The following HFE variants were observed in gnomAD, a reference collection of about 807,000 sequenced individuals.
The protein encoded by HFE is homeostatic iron regulator, also known as hereditary hemochromatosis protein.
In HFE, 36 loss-of-function variants were observed where a neutral mutation model predicts 40.9. The observed-to-expected ratio is 0.88, with a 90% CI of 0.67 to 1.16. The LOEUF is 1.16. Among genes scored for constraint, HFE ranks in the 50% most tolerant of loss-of-function variants. The pLI, the probability that HFE is intolerant of heterozygous loss-of-function variation, is 0.00. For synonymous variants in HFE, 157 were observed against 165.4 expected, an observed-to-expected ratio of 0.95 and a Z score of 0.39; for missense variants, 376 against 432.0, an observed-to-expected ratio of 0.87 and a Z score of 1.15.
At position 26,093,029 on chromosome 6, in the gene HFE, A is replaced by C. The variant is rs550793719; in HGVS notation, c.892+69A>C. The stretch of plus-strand genomic sequence containing the variant: ...GGTTGAGAGGAGTGCCTGAGGAGGT[A>C]ATTATGGCAGTGAGATGAGGATCTG... On this transcript the variant is annotated intron_variant, in intron 4 of 5. Transcript: ENST00000357618. 6.8e-6 allele frequency: 11 copies of C among 1,613,980 alleles called. No individual in the cohort carries two copies. In the South Asian group the frequency reaches 1.1e-4, roughly 16 times the overall value.
rs755793091 is a variant in HFE at position 26,098,014 on chromosome 6, T to C, written c.*3788T>C. ...ATTTTCACATGCAGGCTGATATTTG[T>C]AATTGTGATTCTCTCTGTAGGCTTT... On this transcript the variant is annotated 3_prime_UTR_variant, in exon 6 of 6. Coordinates refer to ENST00000357618, the MANE Select transcript of HFE (RefSeq NM_000410.4). 6.6e-6 allele frequency: 1 copy of C among 152,236 alleles called. No homozygotes were observed. 9.4% of individuals were successfully genotyped at this position (152,236 alleles called of 1,614,324 possible). A position where few individuals can be genotyped will look rare whatever the true frequency, so the allele number is the denominator to read the frequency against.
Position 26,094,224 on chromosome 6 carries a change from T to A in HFE, c.1045T>A (p.Ter349ArgextTer14), listed in dbSNP as rs1348485687. The A allele has an allele frequency of 7.4e-6, 12 of 1,613,846 alleles. No homozygotes were observed. Among genetic ancestry groups the A allele is most frequent in the Non-Finnish European group, 1.0e-5 (12 of 1,179,938 alleles). ...GCACTACGTCTTAGCTGAACGTGAGTGACACGCAGCCTGCAGACTCACTGT... is the reference window on the plus strand; with the variant it reads ...GCACTACGTCTTAGCTGAACGTGAGAGACACGCAGCCTGCAGACTCACTGT... ...MGHYVLAERE[*>R] is the part of the protein sequence containing the mutation. Residue 349 changes from the stop codon to arginine, a stop_lost, in exon 6 of 6, where the codon TGA becomes AGA. Transcript: ENST00000357618.
Position 26,093,104 on chromosome 6 carries a change from C to G in HFE, c.893-15C>G, listed in dbSNP as rs1222572514. The G allele has an allele frequency of 6.2e-7, 1 of 1,613,544 alleles. No individual in the cohort carries two copies. The highest frequency in any genetic ancestry group is 8.5e-7 in the Non-Finnish European group (1 of 1,179,590). ...GGTGGCAATCAAAGGCTTTAACTTG[C>G]TTTTTCTGTTTTAGAGCCCTCACCG... On this transcript the variant is annotated splice_polypyrimidine_tract_variant and intron_variant, in intron 4 of 5. Transcript: ENST00000357618.
In HFE at chr6:26,094,499, A is replaced by G; in HGVS notation, c.*273A>G. Reference sequence around the variant, plus strand: ...CAAGCTGCATCTAGAGGCTTCCTTCATTTCCTCCGTCACCTCAGAGACATA... The same window carrying G: ...CAAGCTGCATCTAGAGGCTTCCTTCGTTTCCTCCGTCACCTCAGAGACATA... On this transcript the variant is annotated 3_prime_UTR_variant, in exon 6 of 6. Transcript: ENST00000357618. 2.8e-6 allele frequency: 2 copies of G among 702,568 alleles called. No homozygotes were observed. The highest frequency in any genetic ancestry group is 5.2e-6 in the Non-Finnish European group (2 of 384,830). The allele number at this position is 702,568 out of a possible 1,614,324, so 43.5% of individuals were successfully genotyped here.
At position 26,092,827 on chromosome 6, in the gene HFE, T is replaced by A. The variant is rs182920795; in HGVS notation, c.759T>A (p.Pro253=). 4.3e-6 allele frequency: 7 copies of A among 1,614,180 alleles called. No homozygotes were observed. The African/African-American group carries it at 9.3e-5, about 22-fold the overall frequency. The change falls in exon 4 of 6, where the codon CCT becomes CCA. Residue 253 remains proline (P), a synonymous_variant. Transcript: ENST00000357618. ...KQPMDAKEFE[P]KDVLPNGDGT... is the part of the protein sequence containing the mutation. ...CAATGGATGCCAAGGAGTTCGAACC[T>A]AAAGACGTATTGCCCAATGGGGATG...
Position 26,090,852 on chromosome 6 carries a change from C to A in HFE, c.88C>A (p.Leu30Met), listed in dbSNP as rs760685317. 9.3e-6 allele frequency: 15 copies of A among 1,613,806 alleles called. No homozygotes were observed. The highest frequency in any genetic ancestry group is 1.3e-5 in the Non-Finnish European group (15 of 1,180,034). ...TGCTCTGTCTCCAGGTTCACACTCTCTGCACTACCTCTTCATGGGTGCCTC... is the reference window on the plus strand; with the variant it reads ...TGCTCTGTCTCCAGGTTCACACTCTATGCACTACCTCTTCATGGGTGCCTC... ...LQGRLLRSHSLHYLFMGASEQ... is the reference protein window; with the variant it reads ...LQGRLLRSHSMHYLFMGASEQ... The change falls in exon 2 of 6, where the codon CTG becomes ATG. Residue 30 changes from leucine to methionine, a missense_variant. Transcript: ENST00000357618.
At position 26,094,658 on chromosome 6, in the gene HFE, C is replaced by T. The variant is rs545152311; in HGVS notation, c.*432C>T. ...TAGTCATAACCTTACCAGATTTTTA[C>T]ACATGTATCTATGCATTTTCTGGAC... On this transcript the variant is annotated 3_prime_UTR_variant, in exon 6 of 6. Coordinates refer to ENST00000357618, the MANE Select transcript of HFE (RefSeq NM_000410.4). 1 of 582,924 alleles carries T rather than the reference C, an allele frequency of 1.7e-6. No individual in the cohort carries two copies. Among genetic ancestry groups the T allele is most frequent in the African/African-American group, 1.9e-5 (1 of 53,576 alleles). 36.1% of individuals were successfully genotyped at this position (582,924 alleles called of 1,614,324 possible).
At chr6:26,093,710 A>G (rs1186406911) in intron 5 of HFE, among the ~76,000 whole-genome samples, 2 of 151,974 alleles carry the variant, frequency 1.3e-5, no homozygotes, top group Non-Finnish European at 1.5e-5. Context: ...TGGGAGGTCT[A>G]CACAGACGGA....
At position 26,096,073 on chromosome 6, in the gene HFE, TA is replaced by T. The variant is rs371279653; in HGVS notation, c.*1857del. ...GAGCCACTGGGGTTCCGGTGCACATTAAAAAAAAAATCTAACCAGGACATTC... is the reference window on the plus strand; with the variant it reads ...GAGCCACTGGGGTTCCGGTGCACATTAAAAAAAAATCTAACCAGGACATTC... On this transcript the variant is annotated 3_prime_UTR_variant, in exon 6 of 6. Transcript: ENST00000357618. 73 of 150,476 alleles carry T rather than the reference TA, an allele frequency of 4.9e-4. No homozygotes were observed. Among genetic ancestry groups the T allele is most frequent in the South Asian group, 2.0e-3 (10 of 5,104 alleles). The allele number at this position is 150,476 out of a possible 1,614,324, so 9.3% of individuals were successfully genotyped here. A position where few individuals can be genotyped will look rare whatever the true frequency, so the allele number is the denominator to read the frequency against.
rs1165884806 is a variant in HFE, at chr6:26,096,366, C to A, written c.*2140C>A. On this transcript the variant is annotated 3_prime_UTR_variant, in exon 6 of 6. Coordinates refer to ENST00000357618, the MANE Select transcript of HFE (RefSeq NM_000410.4). ...CCAGGCTGGTCTCGAACTCTCCTGA[C>A]CTCGTGATCCGCCTGCCTCGGCCTC... 4 of 444,936 alleles carry A rather than the reference C, an allele frequency of 9.0e-6. No individual in the cohort carries two copies. Among genetic ancestry groups the A allele is most frequent in the Non-Finnish European group, 1.8e-5 (4 of 223,252 alleles). 27.6% of individuals were successfully genotyped at this position (444,936 alleles called of 1,614,324 possible). A position where few individuals can be genotyped will look rare whatever the true frequency, so the allele number is the denominator to read the frequency against.
Position 26,094,883 on chromosome 6 carries a change from TAGG to T in HFE, c.*661_*663del, listed in dbSNP as rs1762953371. Reference sequence around the variant, plus strand: ...TAGTATGATGGGTGTTTTTAGCAGGTAGGAGGCAAATATCTTGAAAGGGGTTGT... The same window carrying T: ...TAGTATGATGGGTGTTTTTAGCAGGTAGGCAAATATCTTGAAAGGGGTTGT... On this transcript the variant is annotated 3_prime_UTR_variant, in exon 6 of 6. Coordinates refer to ENST00000357618, the MANE Select transcript of HFE (RefSeq NM_000410.4). The T allele has an allele frequency of 5.7e-6, 1 of 176,384 alleles. No individual in the cohort carries two copies. Among genetic ancestry groups the T allele is most frequent in the African/African-American group, 2.4e-5 (1 of 41,840 alleles). 10.9% of individuals were successfully genotyped at this position (176,384 alleles called of 1,614,324 possible).
chr6:26,091,013 G>A lies in HFE; in HGVS notation c.249G>A (p.Met83Ile), dbSNP rs1762660401. 1 of 1,614,228 alleles carries A rather than the reference G, an allele frequency of 6.2e-7. No individual in the cohort carries two copies. Among genetic ancestry groups the A allele is most frequent in the African/African-American group, 1.3e-5 (1 of 75,054 alleles). ...TTTCCAGTAGAATTTCAAGCCAGAT[G>A]TGGCTGCAGCTGAGTCAGAGTCTGA... ...PWVSSRISSQ[M>I]WLQLSQSLKG... The change falls in exon 2 of 6, where the codon ATG (methionine) becomes ATA (isoleucine). Residue 83 changes from methionine to isoleucine, a missense_variant. Physicochemically the swap from Met to Ile is conservative, Grantham distance 10. Around this residue, in one of 3 missense-constraint regions of HFE, gnomAD observed 200 missense variants for 228.5 expected, o/e 0.88. Transcript: ENST00000357618.
At position 26,097,422 on chromosome 6, in the gene HFE, C is replaced by T. The variant is rs1040767896; in HGVS notation, c.*3196C>T. 2 of 152,174 alleles carry T rather than the reference C, an allele frequency of 1.3e-5. No individual in the cohort carries two copies. The highest frequency in any genetic ancestry group is 2.9e-5 in the Non-Finnish European group (2 of 68,038). The allele number at this position is 152,174 out of a possible 1,614,324, so 9.4% of individuals were successfully genotyped here. On this transcript the variant is annotated 3_prime_UTR_variant, in exon 6 of 6. Transcript: ENST00000357618. ...CTGCATTTTAAATTCTTATTCACCT[C>T]TGGCAAAACCATTCACAAACCATGG...
At chr6:26,087,942 C>A (rs1475571240) in intron 1 of HFE, among the ~76,000 whole-genome samples, 1 of 152,226 alleles carries the variant, frequency 6.6e-6, no homozygotes, top group Non-Finnish European at 1.5e-5. Context: ...TGAGTGCTTG[C>A]CGAGAAGGCT....
intron 5 of HFE, among the ~76,000 whole-genome samples, chr6:26,093,865 A>G (rs756587049): frequency 3.3e-5 from 5 of 152,132 alleles, no homozygotes; most frequent in Non-Finnish European, 7.4e-5. Flanking sequence ...AAAGAGAATC[A>G]GAAAGAAGCC....
chr6:26,092,538 G>A, intron 3 of HFE, 147 bp from the exon 4 acceptor site: 2 of 1,416,278 alleles, frequency 1.4e-6, no homozygotes, highest in South Asian at 2.4e-5. Context: ...TCCAATCTTA[G>A]GACACAAAAT....
At chr6:26,089,948 G>T (rs997046041) in intron 1 of HFE, among the ~76,000 whole-genome samples, 2 of 152,140 alleles carry the variant, frequency 1.3e-5, no homozygotes, top group Non-Finnish European at 2.9e-5. Context: ...CTGAAAAAGA[G>T]AAGAGTTAAA....
chr6:26,094,362 A>C lies in HFE; in HGVS notation c.*136A>C, dbSNP rs745800216. On this transcript the variant is annotated 3_prime_UTR_variant, in exon 6 of 6. Coordinates refer to ENST00000357618, the MANE Select transcript of HFE (RefSeq NM_000410.4). The stretch of plus-strand genomic sequence containing the variant: ...ATTGCCTGACGAACTCCTTGATTTT[A>C]GCCTTCTCTGTTCATTTCCTCAAAA... The C allele has an allele frequency of 3.6e-6, 3 of 822,068 alleles. No homozygotes were observed. In the South Asian group the frequency reaches 4.3e-5, roughly 12 times the overall value. 50.9% of individuals were successfully genotyped at this position (822,068 alleles called of 1,614,324 possible).
At chr6:26,092,019 C>G (rs776956139) in intron 3 of HFE, among the ~76,000 whole-genome samples, 1 of 151,548 alleles carries the variant, frequency 6.6e-6, no homozygotes, top group Non-Finnish European at 1.5e-5. Flanking sequence ...TAAAAAAATA[C>G]AAAAATTAGC....
Sources: allele counts gnomAD v4.1 joint callset (sites outside exome capture counted in the v4.1 genomes callset), GRCh38; gene constraint gnomAD v4.1.1; regional missense constraint gnomAD v4.1.1; transcripts MANE v1.5; gene names NCBI Gene and HGNC (gene_info 2026-07-23, HGNC 2026-07-21).